Variants in FKBP15 observed in about 807,000 individuals in gnomAD.
FKBP15 encodes the protein FKBP prolyl isomerase family member 15.
Under a neutral mutation model 158.1 loss-of-function variants are expected in FKBP15, and 106 were observed. The observed-to-expected ratio is 0.67, with a 90% CI of 0.57 to 0.79. The LOEUF is 0.79. FKBP15 is among the 30% of genes least tolerant of loss of function. FKBP15 has a pLI of 0.00. For missense variants in FKBP15, 1,287 were observed against 1,479.1 expected (o/e 0.87, Z 2.13); for synonymous variants, 547 against 548.6 (o/e 1.00, Z 0.04).
chr9:113,194,550 C>T (rs975156137), intron 9 of FKBP15, among the ~76,000 whole-genome samples: 14 of 151,808 alleles, frequency 9.2e-5, no homozygotes, highest in Admixed American at 2.6e-4. Context: ...CAAGCCATTA[C>T]CTGTTCACTG....
chr9:113,207,617 C>T (rs1460317567), intron 2 of FKBP15, among the ~76,000 whole-genome samples: 1 of 152,104 alleles, frequency 6.6e-6, no homozygotes, highest in Non-Finnish European at 1.5e-5. Context: ...GAATTACAGG[C>T]GTGAGCTACT....
At chr9:113,214,203 C>T (rs1372858647) in intron 1 of FKBP15, among the ~76,000 whole-genome samples, 1 of 152,210 alleles carries the variant, frequency 6.6e-6, no homozygotes, top group Non-Finnish European at 1.5e-5. Flanking sequence ...CCATGTTGCC[C>T]AGGCTGCTCT....
At position 113,161,597 on chromosome 9, in the gene FKBP15, A is replaced by G. The variant is rs2118837210; in HGVS notation, c.*4481T>C. ...GCAAAGCCAAGCTGCTCAACCAGGT[A>G]CTGGTGAACCTGCCAACCTCCATCA... is the stretch of plus-strand genomic sequence containing the variant. On this transcript the variant is annotated 3_prime_UTR_variant, in exon 28 of 28. Coordinates refer to ENST00000238256, the MANE Select transcript of FKBP15 (RefSeq NM_015258.2). 6.2e-7 allele frequency: 1 copy of G among 1,614,030 alleles called. No individual in the cohort carries two copies. The highest frequency in any genetic ancestry group is 8.5e-7 in the Non-Finnish European group (1 of 1,179,888).
At chr9:113,196,226 G>A (rs1275662237) in intron 9 of FKBP15, among the ~76,000 whole-genome samples, 8 of 152,016 alleles carry the variant, frequency 5.3e-5, no homozygotes, top group African/African-American at 1.2e-4. Flanking sequence ...AGAGGTAGTC[G>A]TAGTAAAACG....
At position 113,164,063 on chromosome 9, in the gene FKBP15, A is replaced by AGAT. The variant is rs1354623121; in HGVS notation, c.*2012_*2014dup. 1 of 152,580 alleles carries AGAT rather than the reference A, an allele frequency of 6.6e-6. No individual in the cohort carries two copies. Among genetic ancestry groups the AGAT allele is most frequent in the African/African-American group, 2.4e-5 (1 of 41,428 alleles). 9.5% of individuals were successfully genotyped at this position (152,580 alleles called of 1,614,324 possible). ...CTGTATACTAAATACCTCACAGATTAGATGAAAAGATGGTTGTAAGCTTTG... is the reference window on the plus strand; with the variant it reads ...CTGTATACTAAATACCTCACAGATTAGATGATGAAAAGATGGTTGTAAGCTTTG... On this transcript the variant is annotated 3_prime_UTR_variant, in exon 28 of 28. Transcript: ENST00000238256.
At chr9:113,171,741 G>A in intron 23 of FKBP15, 35 bp from the exon 24 acceptor site, 2 of 985,518 alleles carry the variant, frequency 2.0e-6, no homozygotes, top group South Asian at 4.2e-5. Flanking sequence ...GTGGCCTCAG[G>A]AACCAGGTGA....
At chr9:113,187,270 A>C (rs186110871) in intron 14 of FKBP15, 8 of 158,366 alleles carry the variant, frequency 5.1e-5, no homozygotes, top group African/African-American at 1.9e-4. Flanking sequence ...TTATCCACCA[A>C]GTGTGTTGAG....
chr9:113,168,240 CTA>C (rs145374936), intron 27 of FKBP15, among the ~76,000 whole-genome samples: 5,330 of 152,308 alleles, frequency 0.035, 127 homozygotes, highest in South Asian at 0.066. Context: ...TGGACAGAGA[CTA>C]TGATTCTTTC....
intron 15 of FKBP15, among the ~76,000 whole-genome samples, chr9:113,185,268 C>G (rs561500794): frequency 3.4e-4 from 52 of 152,248 alleles, no homozygotes; most frequent in African/African-American, 1.2e-3. Flanking sequence ...GGACCATATA[C>G]TAGGTATAAA....
chr9:113,220,889 TGA>T lies in FKBP15; in HGVS notation c.53+300_53+301del, dbSNP rs1831236970. 2.0e-5 allele frequency among the ~76,000 whole-genome samples: 3 copies of T among 152,198 alleles called. No homozygotes were observed. In the South Asian group the frequency reaches 6.2e-4, roughly 31 times the overall value. On this transcript the variant is annotated intron_variant, in intron 1 of 27. Coordinates refer to ENST00000238256, the MANE Select transcript of FKBP15 (RefSeq NM_015258.2). ...CCCCAGCTGACTCCTATAAAAATTC[TGA>T]GGCAGGAAGTCTCATCAGCAATCAT... is the stretch of plus-strand genomic sequence containing the variant.
intron 26 of FKBP15, among the ~76,000 whole-genome samples, chr9:113,168,759 A>T (rs1830142698): frequency 6.6e-6 from 1 of 152,192 alleles, no homozygotes; most frequent in African/African-American, 2.4e-5. Context: ...CAGAACCTAC[A>T]GCCAGAGTCA....
At chr9:113,200,034 GCT>G in intron 6 of FKBP15, 71 bp from the exon 7 acceptor site, 1 of 1,463,710 alleles carries the variant, frequency 6.8e-7, no homozygotes, top group Admixed American at 2.3e-5. Context: ...TATTGCTACT[GCT>G]CTTTCTCAAA....
chr9:113,178,797 T>C lies in FKBP15; in HGVS notation c.1919A>G (p.Lys640Arg). The change falls in exon 20 of 28, where the codon AAG becomes AGG. Residue 640 changes from lysine to arginine, a missense_variant. Transcript: ENST00000238256. Reference protein sequence around the residue: ...RVLHAEQEKAKVTEELAAATA... With the variant: ...RVLHAEQEKARVTEELAAATA... ...GGCCGCTGCTAACTCCTCTGTCACC[T>C]TGGCCTGAATAATAACAAAGTATGA... 1 of 1,602,868 alleles carries C rather than the reference T, an allele frequency of 6.2e-7. No homozygotes were observed. The highest frequency in any genetic ancestry group is 8.5e-7 in the Non-Finnish European group (1 of 1,174,726).
intron 20 of FKBP15, 91 bp from the exon 21 acceptor site, chr9:113,176,764 T>C: frequency 7.1e-7 from 1 of 1,416,996 alleles, no homozygotes; most frequent in Non-Finnish European, 9.5e-7. Context: ...AAATTATTTT[T>C]TGGAGACAAA....
In FKBP15 at chr9:113,176,774, A is replaced by T. The variant is rs1013004862; in HGVS notation, c.2087-101T>A. 1.9e-5 allele frequency: 25 copies of T among 1,305,236 alleles called. No individual in the cohort carries two copies. The African/African-American group carries it at 3.3e-4, about 17-fold the overall frequency. The allele number at this position is 1,305,236 out of a possible 1,614,324, so 80.9% of individuals were successfully genotyped here. A position where few individuals can be genotyped will look rare whatever the true frequency, so the allele number is the denominator to read the frequency against. Reference sequence around the variant, plus strand: ...TTTTTAAATTATTTTTTGGAGACAAAGCCTTGCTCCATCACTCAGGCTGGA... The same window carrying T: ...TTTTTAAATTATTTTTTGGAGACAATGCCTTGCTCCATCACTCAGGCTGGA... On this transcript the variant is annotated intron_variant, in intron 20 of 27. Coordinates refer to ENST00000238256, the MANE Select transcript of FKBP15 (RefSeq NM_015258.2).
Position 113,199,856 on chromosome 9 carries a change from C to T in FKBP15, c.606G>A (p.Val202=). 1 of 1,613,146 alleles carries T rather than the reference C, an allele frequency of 6.2e-7. No individual in the cohort carries two copies. Among genetic ancestry groups the T allele is most frequent in the Non-Finnish European group, 8.5e-7 (1 of 1,179,568 alleles). ...PAVEVGDSLE[V]AYTGWLFQNH... Reference sequence around the variant, plus strand: ...TCTGAAAGAGCCAGCCGGTATAGGCCACTTCCAAAGAATCTCCAACTTCTA... The same window carrying T: ...TCTGAAAGAGCCAGCCGGTATAGGCTACTTCCAAAGAATCTCCAACTTCTA... The change falls in exon 7 of 28, where the codon GTG becomes GTA. Residue 202 remains valine, a synonymous_variant. Transcript: ENST00000238256.
At chr9:113,211,932 T>A (rs964680109) in intron 1 of FKBP15, among the ~76,000 whole-genome samples, 1 of 152,184 alleles carries the variant, frequency 6.6e-6, no homozygotes, top group Non-Finnish European at 1.5e-5. Context: ...TCAGGTGCTC[T>A]CTATGGTATC....
Position 113,162,892 on chromosome 9 carries a change from C to T in FKBP15, c.*3186G>A. On this transcript the variant is annotated 3_prime_UTR_variant, in exon 28 of 28. Coordinates refer to ENST00000238256, the MANE Select transcript of FKBP15 (RefSeq NM_015258.2). ...GGCTCTGCTGTGGGCTACTACCTAG[C>T]TTACCCACTTCTCAGCACAGCTTAG... is the stretch of plus-strand genomic sequence containing the variant. The T allele has an allele frequency of 2.5e-6, 4 of 1,611,966 alleles. No individual in the cohort carries two copies. Among genetic ancestry groups the T allele is most frequent in the Non-Finnish European group, 3.4e-6 (4 of 1,179,258 alleles).
rs556425069 is a variant in FKBP15 at position 113,211,760 on chromosome 9, A to T, written c.54-168T>A. 2.5e-3 allele frequency among the ~76,000 whole-genome samples: 380 copies of T among 151,960 alleles called. 1 individual carries two copies. Among genetic ancestry groups the T allele is most frequent in the East Asian group, 0.01 (52 of 5,170 alleles). On this transcript the variant is annotated intron_variant, in intron 1 of 27. Coordinates refer to ENST00000238256, the MANE Select transcript of FKBP15 (RefSeq NM_015258.2). ...AAAGCTGATTTAAAAATTAAAAAAA[A>T]AAATAAATAAAAATATTGGACACAG...
Sources: gnomAD v4.1 joint callset for allele counts (sites outside exome capture counted in the v4.1 genomes callset) on GRCh38, gnomAD v4.1.1 for gene constraint, MANE v1.5 for transcripts, NCBI Gene and HGNC (gene_info 2026-07-23, HGNC 2026-07-21) for gene names.